Variants in MPZL1 observed in about 807,000 individuals in gnomAD.
MPZL1 encodes the protein myelin protein zero-like protein 1.
In MPZL1, 16 loss-of-function variants were observed where a neutral mutation model predicts 29.3. That is an observed-to-expected ratio of 0.55 (90% CI 0.37 to 0.83). The LOEUF is 0.83. Among genes scored for constraint, MPZL1 ranks in the 40% least tolerant of loss-of-function variants. MPZL1 has a pLI of 0.00. For synonymous variants in MPZL1, 143 were observed against 132.0 expected (o/e 1.08, Z -0.57); for missense variants, 279 against 332.9 (o/e 0.84, Z 1.26).
At chr1:167,740,673 A>G (rs1660497454) in intron 1 of MPZL1, among the ~76,000 whole-genome samples, 1 of 152,140 alleles carries the variant, frequency 6.6e-6, no homozygotes, top group African/African-American at 2.4e-5. Context: ...TACTGCCTGT[A>G]TGCTGGTAAC....
At position 167,722,006 on chromosome 1, in the gene MPZL1, G is replaced by C; in HGVS notation, c.-146G>C. 8.7e-7 allele frequency: 1 copy of C among 1,153,904 alleles called. No homozygotes were observed. The highest frequency in any genetic ancestry group is 3.2e-5 in the East Asian group (1 of 31,204). 71.5% of individuals were successfully genotyped at this position (1,153,904 alleles called of 1,614,324 possible). A position where few individuals can be genotyped will look rare whatever the true frequency, so the allele number is the denominator to read the frequency against. ...TGCAGAGCTGGAGAGCCGCGGCTGG[G>C]ACCGGAGTGGGGAGCGCGGCGTGGA... On this transcript the variant is annotated 5_prime_UTR_variant, in exon 1 of 6. Coordinates refer to ENST00000359523, the MANE Select transcript of MPZL1 (RefSeq NM_003953.6).
At chr1:167,772,872 T>A (rs1252207801) in intron 3 of MPZL1, among the ~76,000 whole-genome samples, 2 of 152,218 alleles carry the variant, frequency 1.3e-5, no homozygotes, top group Non-Finnish European at 2.9e-5. Context: ...AACAGCACAG[T>A]TATTTCTTCC....
intron 1 of MPZL1, among the ~76,000 whole-genome samples, chr1:167,739,312 C>CATACATATATAT (rs1660465973): frequency 1.2e-5 from 1 of 82,076 alleles, no homozygotes; most frequent in Non-Finnish European, 2.4e-5. Flanking sequence ...TATATATACA[C>CATACATATATAT]ATATATATAT....
intron 5 of MPZL1, among the ~76,000 whole-genome samples, chr1:167,783,359 T>A (rs1214507583): frequency 6.6e-6 from 1 of 152,152 alleles, no homozygotes; most frequent in Non-Finnish European, 1.5e-5. Context: ...TTGTGAAGCT[T>A]AGTTTTGAAT....
intron 5 of MPZL1, among the ~76,000 whole-genome samples, chr1:167,778,525 G>T (rs1661419089): frequency 7.1e-6 from 1 of 141,086 alleles, no homozygotes; most frequent in South Asian, 2.3e-4. Flanking sequence ...AGGAAGGAAG[G>T]ATGGATGGAT....
intron 1 of MPZL1, among the ~76,000 whole-genome samples, chr1:167,732,390 T>C (rs1409009033): frequency 1.3e-5 from 2 of 152,150 alleles, no homozygotes; most frequent in Non-Finnish European, 2.9e-5. Flanking sequence ...GGAGACCCTG[T>C]CCCAAAAACA....
intron 1 of MPZL1, among the ~76,000 whole-genome samples, chr1:167,754,234 A>C (rs1482775942): frequency 6.7e-6 from 1 of 150,198 alleles, no homozygotes; most frequent in Non-Finnish European, 1.5e-5. Context: ...CCTGAGCTCA[A>C]GCGATCCACC....
intron 4 of MPZL1, among the ~76,000 whole-genome samples, chr1:167,775,527 G>A (rs958552929): frequency 6.6e-6 from 1 of 152,158 alleles, no homozygotes; most frequent in Non-Finnish European, 1.5e-5. Context: ...GAGTTTTTGG[G>A]GGGATTTGAT....
intron 1 of MPZL1, among the ~76,000 whole-genome samples, chr1:167,741,323 G>A (rs961725004): frequency 8.5e-5 from 12 of 140,874 alleles, no homozygotes; most frequent in African/African-American, 2.9e-4. Flanking sequence ...CGTCTAGCCT[G>A]CAGTCACTTT....
intron 1 of MPZL1, among the ~76,000 whole-genome samples, chr1:167,754,589 A>G (rs1171479561): frequency 6.6e-6 from 1 of 152,218 alleles, no homozygotes; most frequent in Non-Finnish European, 1.5e-5. Flanking sequence ...GTTCAGGTTC[A>G]TGCATGTGCA....
intron 5 of MPZL1, among the ~76,000 whole-genome samples, chr1:167,784,382 G>A (rs1048039446): frequency 2.0e-4 from 30 of 152,272 alleles, no homozygotes; most frequent in African/African-American, 6.5e-4. Flanking sequence ...TGGAGGGTGG[G>A]GAGGGTGAGT....
chr1:167,723,599 A>C (rs1660084511), intron 1 of MPZL1, among the ~76,000 whole-genome samples: 1 of 152,250 alleles, frequency 6.6e-6, no homozygotes, highest in African/African-American at 2.4e-5. Flanking sequence ...ATTGTTATGC[A>C]TGAGAGGTCA....
At chr1:167,747,322 G>T (rs1290271369) in intron 1 of MPZL1, among the ~76,000 whole-genome samples, 1 of 152,130 alleles carries the variant, frequency 6.6e-6, no homozygotes, top group African/African-American at 2.4e-5. Context: ...CCAGGCTCAG[G>T]CAGTCTTCCC....
At chr1:167,725,979 A>G (rs1660137260) in intron 1 of MPZL1, among the ~76,000 whole-genome samples, 2 of 152,236 alleles carry the variant, frequency 1.3e-5, no homozygotes, top group Admixed American at 6.5e-5. Context: ...TTAAAATGCA[A>G]ATCAGATCAT....
intron 2 of MPZL1, among the ~76,000 whole-genome samples, chr1:167,770,936 G>A (rs1049680016): frequency 5.9e-5 from 9 of 151,810 alleles, no homozygotes; most frequent in African/African-American, 1.5e-4. Context: ...GTTGAGTGCC[G>A]TGATCTCTAA....
chr1:167,759,640 C>T (rs2101775842), intron 1 of MPZL1, among the ~76,000 whole-genome samples: 1 of 152,364 alleles, frequency 6.6e-6, no homozygotes, highest in Middle Eastern at 3.4e-3. Flanking sequence ...AAACCATGTG[C>T]AGTTTTAAGC....
rs1661291796 is a variant in MPZL1, at chr1:167,773,363, C to T, written c.600C>T (p.Tyr200=). The T allele has an allele frequency of 6.2e-7, 1 of 1,613,328 alleles. No homozygotes were observed. The highest frequency in any genetic ancestry group is 8.5e-7 in the Non-Finnish European group (1 of 1,179,710). Residue 200 remains tyrosine (Y), a synonymous_variant, in exon 4 of 6, where the codon TAC becomes TAT. Coordinates refer to ENST00000359523, the MANE Select transcript of MPZL1 (RefSeq NM_003953.6). Reference sequence around the variant, plus strand: ...GAAGGAAAAACTCTAAACGGGATTACACTGGGTAAGAAACACTGTTTTTTT... The same window carrying T: ...GAAGGAAAAACTCTAAACGGGATTATACTGGGTAAGAAACACTGTTTTTTT... ...LYRRKNSKRD[Y]TGCSTSESLS... is the part of the protein sequence containing the mutation.
chr1:167,755,703 AT>A (rs1196596196), intron 1 of MPZL1, among the ~76,000 whole-genome samples: 2 of 152,204 alleles, frequency 1.3e-5, no homozygotes, highest in African/African-American at 4.8e-5. Context: ...AGCCTTTAGT[AT>A]TTAATGGAAG....
In MPZL1 at chr1:167,776,118, C is replaced by T. The variant is rs1021157073; in HGVS notation, c.660C>T (p.Pro220=). 6.2e-6 allele frequency: 10 copies of T among 1,612,840 alleles called. No individual in the cohort carries two copies. The highest frequency in any genetic ancestry group is 1.7e-5 in the Admixed American group (1 of 59,936). Reference sequence around the variant, plus strand: ...TTAAGCAGGCTCCTCGGAAGTCCCCCTCCGACACTGAGGGTCTTGTAAAGA... The same window carrying T: ...TTAAGCAGGCTCCTCGGAAGTCCCCTTCCGACACTGAGGGTCTTGTAAAGA... ...SPVKQAPRKS[P]SDTEGLVKSL... is the part of the protein sequence containing the mutation. The change falls in exon 5 of 6, where the codon CCC becomes CCT. Residue 220 remains proline, a synonymous_variant. Transcript: ENST00000359523.
Sources: allele counts gnomAD v4.1 joint callset (sites outside exome capture counted in the v4.1 genomes callset), GRCh38; gene constraint gnomAD v4.1.1; transcripts MANE v1.5; gene names NCBI Gene and HGNC (gene_info 2026-07-23, HGNC 2026-07-21).